The following WHRN variants were observed in gnomAD, a reference collection of about 807,000 sequenced individuals.
WHRN encodes the protein CASK-interacting protein CIP98.
In WHRN, 41 loss-of-function variants were observed where a neutral mutation model predicts 68.3. The observed-to-expected ratio is 0.60, with a 90% CI of 0.47 to 0.78. The LOEUF is 0.78. WHRN is among the 30% of genes least tolerant of loss of function. The probability of loss-of-function intolerance (pLI) is 0.00; values close to 1 mark genes in which losing one functional copy is unlikely to be tolerated. For synonymous variants in WHRN, 560 were observed against 561.3 expected, an observed-to-expected ratio of 1.00 and a Z score of 0.03; for missense variants, 1,243 against 1,244.7, an observed-to-expected ratio of 1.00 and a Z score of 0.02.
intron 7 of WHRN, among the ~76,000 whole-genome samples, chr9:114,422,613 C>T (rs1200285580): frequency 6.6e-6 from 1 of 152,112 alleles, no homozygotes; most frequent in Non-Finnish European, 1.5e-5. Flanking sequence ...GTGGGTGGAT[C>T]TCCTGATGTC....
chr9:114,453,670 G>A (rs1839528378), intron 3 of WHRN, among the ~76,000 whole-genome samples: 1 of 151,910 alleles, frequency 6.6e-6, no homozygotes. Flanking sequence ...CTTGAGAGAC[G>A]CAAACTACTA....
intron 7 of WHRN, among the ~76,000 whole-genome samples, chr9:114,412,748 T>TG (rs1260865443): frequency 1.3e-5 from 2 of 152,190 alleles, no homozygotes; most frequent in African/African-American, 4.8e-5. Flanking sequence ...AGTGTGGTCT[T>TG]GGGGAACTGT....
chr9:114,403,363 ACT>A (rs777243234), intron 10 of WHRN, 24 bp from the exon 11 acceptor site: 1 of 1,613,666 alleles, frequency 6.2e-7, no homozygotes, highest in East Asian at 2.2e-5. Context: ...GAAGGACACC[ACT>A]GAGGCCTTCG....
chr9:114,477,076 C>G (rs555136134), intron 2 of WHRN, among the ~76,000 whole-genome samples: 1 of 152,258 alleles, frequency 6.6e-6, no homozygotes, highest in East Asian at 1.9e-4. Flanking sequence ...CCCTGGCAAC[C>G]TTGACGCGGC....
intron 2 of WHRN, among the ~76,000 whole-genome samples, chr9:114,468,634 C>G (rs778674759): frequency 9.9e-5 from 15 of 152,046 alleles, no homozygotes; most frequent in Non-Finnish European, 1.8e-4. Flanking sequence ...TAGTCCAGGA[C>G]CAGCCCCAGT....
At chr9:114,479,299 C>T (rs4979412) in intron 1 of WHRN, among the ~76,000 whole-genome samples, 6,026 of 152,268 alleles carry the variant, frequency 0.04, 306 homozygotes, top group African/African-American at 0.1. Context: ...TAGACAACAT[C>T]CCACACCTTT....
At chr9:114,489,391 C>G (rs1486214440) in intron 1 of WHRN, among the ~76,000 whole-genome samples, 2 of 151,988 alleles carry the variant, frequency 1.3e-5, no homozygotes, top group Non-Finnish European at 2.9e-5. Flanking sequence ...TCTCCTTTTG[C>G]CTTGGTTGCT....
chr9:114,488,743 G>T (rs946178092), intron 1 of WHRN, among the ~76,000 whole-genome samples: 1 of 152,196 alleles, frequency 6.6e-6, no homozygotes, highest in East Asian at 1.9e-4. Context: ...AATGTCATGA[G>T]AAAGTAAAAC....
In WHRN at chr9:114,406,447, G is replaced by C. The variant is rs1192494329; in HGVS notation, c.2144C>G (p.Thr715Arg). The C allele has an allele frequency of 6.2e-7, 1 of 1,614,200 alleles. No individual in the cohort carries two copies. The highest frequency in any genetic ancestry group is 8.5e-7 in the Non-Finnish European group (1 of 1,180,044). The change falls in exon 9 of 12, where the codon ACA (threonine) becomes AGA (arginine). Residue 715 changes from threonine (T) to arginine (R), a missense_variant. Transcript: ENST00000362057. ...CATGACAAAGTGCTGGTTTGTGCCT[G>C]TCTGGTCTGGGTGGCCAGAGGGTGA... ...PPSPSGHPDQ[T>R]GTNQHFVMVE...
chr9:114,437,782 C>T (rs1443323862), intron 3 of WHRN, among the ~76,000 whole-genome samples: 1 of 152,186 alleles, frequency 6.6e-6, no homozygotes, highest in Non-Finnish European at 1.5e-5. Flanking sequence ...ATTGTTTAAG[C>T]CACCTTGTCT....
At chr9:114,451,954 C>T (rs769670010) in intron 3 of WHRN, among the ~76,000 whole-genome samples, 2 of 152,116 alleles carry the variant, frequency 1.3e-5, no homozygotes, top group Non-Finnish European at 2.9e-5. Flanking sequence ...TTAAATGATT[C>T]ACTGTAGGCA....
chr9:114,439,119 T>C (rs10817611), intron 3 of WHRN, among the ~76,000 whole-genome samples: 27,001 of 152,196 alleles, frequency 0.18, 2,811 homozygotes, highest in East Asian at 0.3. Flanking sequence ...CAAAAACTTA[T>C]TTGGTTGCCT....
chr9:114,423,285 A>T, intron 7 of WHRN, 29 bp downstream of exon 7: 3 of 1,610,182 alleles, frequency 1.9e-6, no homozygotes, highest in Non-Finnish European at 2.5e-6. Flanking sequence ...CCTGGCTACT[A>T]AGCCAGGGAC....
chr9:114,493,392 AG>A (rs1425596463), intron 1 of WHRN, among the ~76,000 whole-genome samples: 3 of 123,136 alleles, frequency 2.4e-5, no homozygotes, highest in African/African-American at 9.1e-5. Flanking sequence ...GGGGGTGGGG[AG>A]AAAAAACGTT....
intron 3 of WHRN, among the ~76,000 whole-genome samples, chr9:114,443,703 C>A (rs1838582345): frequency 6.6e-6 from 1 of 152,210 alleles, no homozygotes; most frequent in African/African-American, 2.4e-5. Flanking sequence ...CATTAGTGTG[C>A]CTCCCATATT....
rs552331200 is a variant in WHRN at position 114,404,782 on chromosome 9, G to A, written c.2237-705C>T. On this transcript the variant is annotated intron_variant, in intron 9 of 11. Transcript: ENST00000362057. ...ACAGAAATGATGGTGCCTAACCACTGGGGTGATTGTAAAAACTCACAGATC... is the reference window on the plus strand; with the variant it reads ...ACAGAAATGATGGTGCCTAACCACTAGGGTGATTGTAAAAACTCACAGATC... Among the ~76,000 whole-genome samples the A allele has an allele frequency of 2.0e-5, 3 of 152,360 alleles. No individual in the cohort carries two copies. The South Asian group carries it at 6.2e-4, about 32-fold the overall frequency.
intron 2 of WHRN, among the ~76,000 whole-genome samples, chr9:114,475,502 G>T (rs1841577032): frequency 6.6e-6 from 1 of 152,122 alleles, no homozygotes; most frequent in Non-Finnish European, 1.5e-5. Context: ...TCCTGAAAAG[G>T]GCTATAAAAC....
chr9:114,439,711 G>A (rs182211283), intron 3 of WHRN, among the ~76,000 whole-genome samples: 1 of 152,206 alleles, frequency 6.6e-6, no homozygotes, highest in East Asian at 1.9e-4. Flanking sequence ...AACAATATGG[G>A]TTTAAACTGT....
At chr9:114,403,059 G>T in intron 11 of WHRN, 123 bp from the exon 12 acceptor site, 1 of 1,531,854 alleles carries the variant, frequency 6.5e-7, no homozygotes, top group Non-Finnish European at 9.0e-7. Flanking sequence ...CCACTTCTCG[G>T]ATTAGGAAAG....
Sources: allele counts gnomAD v4.1 joint callset (sites outside exome capture counted in the v4.1 genomes callset), GRCh38; gene constraint gnomAD v4.1.1; transcripts MANE v1.5; gene names NCBI Gene and HGNC (gene_info 2026-07-23, HGNC 2026-07-21).